TTC6: variants seen among roughly 807,000 people sequenced by gnomAD.
TTC6 encodes tetratricopeptide repeat protein 6.
TTC6 carries 172 observed loss-of-function variants against 210.4 expected under a neutral mutation model. That is an observed-to-expected ratio of 0.82 (90% CI 0.72 to 0.93). TTC6 has a LOEUF of 0.93. Ranked by LOEUF, TTC6 falls within the 40% of genes least tolerant of loss-of-function variation. The pLI is 0.00. For missense variants in TTC6, 2,414 were observed against 2,318.1 expected (o/e 1.04, Z -0.85); for synonymous variants, 804 against 819.6 (o/e 0.98, Z 0.32).
chr14:37,741,331 G>A lies in TTC6; in HGVS notation c.2363+2176G>A, dbSNP rs1177429421. On this transcript the variant is annotated intron_variant, in intron 10 of 30. Coordinates refer to ENST00000553443, the Ensembl canonical transcript of TTC6. ...TTTTTTGAGACAGAGTCTCGCTGTT[G>A]CCCAGGCTGGAGTGCAGTAGCACCT... Among the ~76,000 whole-genome samples the A allele has an allele frequency of 2.5e-5, 3 of 118,902 alleles. No individual in the cohort carries two copies. The Admixed American group carries it at 3.3e-4, about 13-fold the overall frequency. 78.0% of individuals were successfully genotyped at this position (118,902 alleles called of 152,430 possible).
chr14:37,801,577 C>T (rs1360413666), intron 20 of TTC6, among the ~76,000 whole-genome samples: 1 of 152,096 alleles, frequency 6.6e-6, no homozygotes, highest in African/African-American at 2.4e-5. Context: ...TCCTTCTTAG[C>T]AGAGTAAAGA....
chr14:37,790,541 T>C (rs144772826), intron 15 of TTC6, among the ~76,000 whole-genome samples, 176 bp from the exon 18 acceptor site: 1 of 152,340 alleles, frequency 6.6e-6, no homozygotes, highest in Non-Finnish European at 1.5e-5. Flanking sequence ...AAATACATTT[T>C]AATGTACAAT....
intron 1 of TTC6, among the ~76,000 whole-genome samples, chr14:37,634,800 T>C (rs1214168907): frequency 6.6e-6 from 1 of 152,194 alleles, no homozygotes; most frequent in African/African-American, 2.4e-5. Flanking sequence ...AAAACTATTA[T>C]CGTCAGAAGG....
chr14:37,745,737 T>G lies in TTC6; in HGVS notation c.2364-3202T>G, dbSNP rs114719020. The stretch of plus-strand genomic sequence containing the variant: ...GATTAGCATAAGGTCAGAGCCAGTA[T>G]GTAATTACCCCTGGAAGGTTTGAGT... On this transcript the variant is annotated intron_variant, in intron 10 of 30. Coordinates refer to ENST00000553443, the Ensembl canonical transcript of TTC6. Among the ~76,000 whole-genome samples, 408 of 152,318 alleles carry G rather than the reference T, an allele frequency of 2.7e-3. 2 individuals are homozygous for G. The highest frequency in any genetic ancestry group is 9.4e-3 in the African/African-American group (389 of 41,590).
intron 1 of TTC6, among the ~76,000 whole-genome samples, chr14:37,636,808 T>C (rs1294232453): frequency 6.6e-6 from 1 of 152,126 alleles, no homozygotes; most frequent in Non-Finnish European, 1.5e-5. Flanking sequence ...GAAAAACAGA[T>C]TTCTAAAATT....
intron 8 of TTC6, among the ~76,000 whole-genome samples, chr14:37,736,427 A>G (rs2138923655): frequency 6.6e-6 from 1 of 152,172 alleles, no homozygotes; most frequent in South Asian, 2.1e-4. Context: ...CTGAAGATAC[A>G]TTTCTACTTT....
intron 1 of TTC6, among the ~76,000 whole-genome samples, chr14:37,627,655 A>G (rs951460333): frequency 6.6e-6 from 1 of 152,210 alleles, no homozygotes; most frequent in African/African-American, 2.4e-5. Context: ...ATGGCTGCAT[A>G]GTATTCAATG....
intron 14 of TTC6, among the ~76,000 whole-genome samples, chr14:37,786,721 G>C (rs573741909): frequency 6.6e-6 from 1 of 152,226 alleles, no homozygotes; most frequent in Admixed American, 6.5e-5. Flanking sequence ...CATCGCTCAC[G>C]CGGGGAGCTG....
At chr14:37,841,549 A>G in exon 30 of TTC6, 2 of 1,606,164 alleles carry the variant, frequency 1.2e-6, no homozygotes, top group South Asian at 1.1e-5. Context: ...ATGAAGAAGC[A>G]AAAGAAGATT....
At chr14:37,751,802 C>T (rs2095952803) in intron 13 of TTC6, among the ~76,000 whole-genome samples, 1 of 149,488 alleles carries the variant, frequency 6.7e-6, no homozygotes, top group Admixed American at 6.8e-5. Context: ...TTAGGAGATA[C>T]CAGAGAATTG....
At chr14:37,609,072 A>G (rs972968737) in intron 2 of TTC6, among the ~76,000 whole-genome samples, 2 of 152,066 alleles carry the variant, frequency 1.3e-5, no homozygotes, top group African/African-American at 4.8e-5. Flanking sequence ...TAAATCAATA[A>G]CTAACTCCTC....
intron 1 of TTC6, among the ~76,000 whole-genome samples, chr14:37,648,966 A>C (rs2095706463): frequency 6.8e-6 from 1 of 148,026 alleles, no homozygotes. Flanking sequence ...TGCAAGAATC[A>C]TGTTTATTTA....
intron 7 of TTC6, among the ~76,000 whole-genome samples, chr14:37,725,323 T>TAC (rs1159070924): frequency 1.2e-5 from 1 of 83,232 alleles, no homozygotes; most frequent in East Asian, 2.8e-4. Flanking sequence ...TATATATATA[T>TAC]ATATATATAT....
chr14:37,774,708 T>G (rs2096031668), intron 14 of TTC6, among the ~76,000 whole-genome samples: 1 of 152,156 alleles, frequency 6.6e-6, no homozygotes. Context: ...ATTTTTGTGT[T>G]TGTCTCTCAC....
At chr14:37,636,946 G>A (rs1339187682) in intron 1 of TTC6, among the ~76,000 whole-genome samples, 3 of 152,148 alleles carry the variant, frequency 2.0e-5, no homozygotes, top group Non-Finnish European at 4.4e-5. Context: ...GTGTGATATT[G>A]GGGTGGAGGG....
At chr14:37,716,980 C>T (rs941514297) in intron 6 of TTC6, among the ~76,000 whole-genome samples, 1 of 151,776 alleles carries the variant, frequency 6.6e-6, no homozygotes, top group East Asian at 1.9e-4. Flanking sequence ...AACAGTACAG[C>T]TATAAATAAT....
At chr14:37,794,883 C>G (rs151160915) in intron 17 of TTC6, among the ~76,000 whole-genome samples, 1 of 151,956 alleles carries the variant, frequency 6.6e-6, no homozygotes, top group African/African-American at 2.4e-5. Flanking sequence ...GACCAGCCTG[C>G]ATGCTGCTTG....
At chr14:37,672,820 C>CTTT (rs2095760882) in intron 1 of TTC6, among the ~76,000 whole-genome samples, 1 of 118,912 alleles carries the variant, frequency 8.4e-6, no homozygotes, top group Non-Finnish European at 1.7e-5. Flanking sequence ...ATGAATTCCT[C>CTTT]ATTTTTTTTT....
chr14:37,600,428 A>AAGGGTCGACCAGTGTTTAGTC lies in TTC6; in HGVS notation c.-235+4439_-235+4440insTCAGGGTCGACCAGTGTTTAG, dbSNP rs2095613432. Among the ~76,000 whole-genome samples, 3 of 152,204 alleles carry AAGGGTCGACCAGTGTTTAGTC rather than the reference A, an allele frequency of 2.0e-5. No individual in the cohort carries two copies. The East Asian group carries it at 5.8e-4, about 30-fold the overall frequency. ...GCAGCTTAAATCTAAATCCTTCCTGAAGGGTCGACCAGTGTTTAGCTTCTC... is the reference window on the plus strand; with the variant it reads ...GCAGCTTAAATCTAAATCCTTCCTGAAGGGTCGACCAGTGTTTAGTCAGGGTCGACCAGTGTTTAGCTTCTC... On this transcript the variant is annotated intron_variant, in intron 1 of 2. Coordinates refer to the TTC6 transcript ENST00000556845.
Sources: allele counts gnomAD v4.1 joint callset (sites outside exome capture counted in the v4.1 genomes callset), GRCh38; gene constraint gnomAD v4.1.1; transcripts MANE v1.5; gene names NCBI Gene and HGNC (gene_info 2026-07-23, HGNC 2026-07-21).